TASP1: variants seen among roughly 807,000 people sequenced by gnomAD.
TASP1 encodes threonine aspartase 1.
Under a neutral mutation model 56.6 loss-of-function variants are expected in TASP1, and 16 were observed. The observed-to-expected ratio is 0.28, with a 90% CI of 0.19 to 0.43. TASP1 has a LOEUF of 0.43. Among genes scored for constraint, TASP1 ranks in the 20% least tolerant of loss-of-function variants. TASP1 has a pLI of 1.00. For synonymous variants in TASP1, 179 were observed against 184.2 expected, an observed-to-expected ratio of 0.97 and a Z score of 0.23; for missense variants, 393 against 511.6, an observed-to-expected ratio of 0.77 and a Z score of 2.24.
chr20:13,562,833 C>T (rs1470929014), intron 7 of TASP1, among the ~76,000 whole-genome samples: 1 of 148,868 alleles, frequency 6.7e-6, no homozygotes, highest in African/African-American at 2.5e-5. Context: ...GCCATGTTTG[C>T]GCCACTGCAC....
chr20:13,424,616 G>A (rs1288462805), intron 12 of TASP1, among the ~76,000 whole-genome samples: 1 of 151,914 alleles, frequency 6.6e-6, no homozygotes, highest in Non-Finnish European at 1.5e-5. Context: ...TAACAGTCTC[G>A]GTGTGGTCAA....
At chr20:13,522,208 C>T (rs1281336116) in intron 10 of TASP1, among the ~76,000 whole-genome samples, 1 of 152,126 alleles carries the variant, frequency 6.6e-6, no homozygotes, top group Admixed American at 6.6e-5. Context: ...CTGTGGCTTT[C>T]CCATTTATTA....
the TASP1 span, among the ~76,000 whole-genome samples, chr20:13,138,097 A>G: frequency 1.3e-5 from 2 of 151,834 alleles, no homozygotes; most frequent in African/African-American, 4.8e-5. Flanking sequence ...TACTCAGTCC[A>G]CCCCCACAGT....
the TASP1 span, among the ~76,000 whole-genome samples, chr20:13,252,888 C>G: frequency 6.6e-6 from 1 of 152,196 alleles, no homozygotes; most frequent in Admixed American, 6.5e-5. Flanking sequence ...CATTTACTGA[C>G]AGATAATTTC....
At chr20:13,348,039 A>AT in the TASP1 span, among the ~76,000 whole-genome samples, 3 of 152,040 alleles carry the variant, frequency 2.0e-5, no homozygotes, top group Admixed American at 1.3e-4. Context: ...ATCTAGAGGC[A>AT]TTTTTTGTTG....
At chr20:13,196,838 C>T in the TASP1 span, among the ~76,000 whole-genome samples, 81 of 152,102 alleles carry the variant, frequency 5.3e-4, no homozygotes, top group African/African-American at 1.9e-3. Flanking sequence ...TAATATAATC[C>T]CCATATCAAC....
At chr20:13,365,302 A>G in the TASP1 span, among the ~76,000 whole-genome samples, 1 of 152,234 alleles carries the variant, frequency 6.6e-6, no homozygotes, top group South Asian at 2.1e-4. Flanking sequence ...TTAGGAATTG[A>G]GCAATGAATG....
At chr20:13,609,161 A>T (rs1230916323) in intron 4 of TASP1, among the ~76,000 whole-genome samples, 1 of 152,192 alleles carries the variant, frequency 6.6e-6, no homozygotes, top group Non-Finnish European at 1.5e-5. Context: ...TCTACCAAAA[A>T]GATACACAAA....
At chr20:13,439,273 T>A (rs536782227) in intron 11 of TASP1, among the ~76,000 whole-genome samples, 1 of 152,124 alleles carries the variant, frequency 6.6e-6, no homozygotes, top group Non-Finnish European at 1.5e-5. Flanking sequence ...CCATCAATGA[T>A]AGACTGGATT....
the TASP1 span, among the ~76,000 whole-genome samples, chr20:13,301,161 C>A: frequency 3.3e-5 from 5 of 152,088 alleles, no homozygotes; most frequent in Non-Finnish European, 7.4e-5. Context: ...TGACACAATT[C>A]TATTCTTATG....
chr20:13,626,150 C>T (rs911969116), intron 2 of TASP1, among the ~76,000 whole-genome samples: 2 of 152,204 alleles, frequency 1.3e-5, no homozygotes, highest in African/African-American at 4.8e-5. Flanking sequence ...CTAGGCCAAA[C>T]ACAGTGGCTC....
At chr20:13,483,164 A>C in intron 11 of TASP1, 63 bp downstream of exon 11, 1 of 1,223,096 alleles carries the variant, frequency 8.2e-7, no homozygotes, top group South Asian at 1.6e-5. Flanking sequence ...CCTGACTCAT[A>C]GTGCTTATAG....
At chr20:13,323,047 A>G in the TASP1 span, among the ~76,000 whole-genome samples, 1 of 151,944 alleles carries the variant, frequency 6.6e-6, no homozygotes, top group Non-Finnish European at 1.5e-5. Context: ...TTGGGTGCAT[A>G]CTCTGGGGGA....
chr20:13,286,929 C>G, the TASP1 span, among the ~76,000 whole-genome samples: 1 of 152,162 alleles, frequency 6.6e-6, no homozygotes, highest in East Asian at 1.9e-4. Flanking sequence ...GGCCCAAGGC[C>G]ATAGGAAGAT....
At chr20:13,242,825 T>A in the TASP1 span, among the ~76,000 whole-genome samples, 1 of 152,200 alleles carries the variant, frequency 6.6e-6, no homozygotes, top group Non-Finnish European at 1.5e-5. Context: ...TGTGAAGTAG[T>A]GGGAGCTGGT....
Position 13,498,435 on chromosome 20 carries a change from T to A in TASP1, c.875-15098A>T, listed in dbSNP as rs59213049. 8.3e-3 allele frequency among the ~76,000 whole-genome samples: 1,257 copies of A among 150,720 alleles called. 17 individuals carry two copies. The highest frequency in any genetic ancestry group is 0.029 in the African/African-American group (1,195 of 41,066). ...GTGCAGTGGTGCAATATTAGTTCACTGCAGCCTCTGCCTCCCAGGTTCAAG... is the reference window on the plus strand; with the variant it reads ...GTGCAGTGGTGCAATATTAGTTCACAGCAGCCTCTGCCTCCCAGGTTCAAG... On this transcript the variant is annotated intron_variant, in intron 10 of 13. Transcript: ENST00000337743.
chr20:13,509,453 G>A (rs2044248916), intron 10 of TASP1, among the ~76,000 whole-genome samples: 1 of 152,080 alleles, frequency 6.6e-6, no homozygotes, highest in South Asian at 2.1e-4. Flanking sequence ...ATAATGTATT[G>A]TAGAACTGAA....
At chr20:13,323,784 A>C in the TASP1 span, among the ~76,000 whole-genome samples, 1 of 152,214 alleles carries the variant, frequency 6.6e-6, no homozygotes, top group Non-Finnish European at 1.5e-5. Context: ...CAATCCCAGA[A>C]TTTTGAAATG....
the TASP1 span, among the ~76,000 whole-genome samples, chr20:13,358,251 C>A: frequency 6.6e-6 from 1 of 152,180 alleles, no homozygotes; most frequent in Non-Finnish European, 1.5e-5. Context: ...GGACTCAGCC[C>A]GCCTGCACCC....
Sources: allele counts gnomAD v4.1 joint callset (sites outside exome capture counted in the v4.1 genomes callset), GRCh38; gene constraint gnomAD v4.1.1; transcripts MANE v1.5; gene names NCBI Gene and HGNC (gene_info 2026-07-23, HGNC 2026-07-21).